The following GOLM1 variants were observed in gnomAD, a reference collection of about 807,000 sequenced individuals.
GOLM1 encodes epididymis luminal protein 46.
GOLM1 carries 31 observed loss-of-function variants against 50.5 expected under a neutral mutation model. The ratio of observed to expected loss-of-function variants is 0.61; its 90% CI spans 0.46 to 0.83. The LOEUF is 0.83. GOLM1 is among the 40% of genes least tolerant of loss of function. GOLM1 has a pLI of 0.00. For missense variants in GOLM1, 491 were observed against 501.3 expected (o/e 0.98, Z 0.20); for synonymous variants, 178 against 192.8 (o/e 0.92, Z 0.64).
At chr9:86,081,353 C>T (rs547313759) in intron 1 of GOLM1, among the ~76,000 whole-genome samples, 5 of 151,912 alleles carry the variant, frequency 3.3e-5, no homozygotes, top group Admixed American at 6.6e-5. Context: ...TGCACCACCA[C>T]GGCCAGCTAA....
At chr9:86,081,006 C>T (rs983361686) in intron 1 of GOLM1, among the ~76,000 whole-genome samples, 5 of 152,102 alleles carry the variant, frequency 3.3e-5, no homozygotes, top group African/African-American at 1.2e-4. Context: ...TGCCCTCAAC[C>T]TCTCAAGTAG....
chr9:86,039,924 C>T lies in GOLM1; in HGVS notation c.597+815G>A, dbSNP rs190101307. Reference sequence around the variant, plus strand: ...CAGAGGCTGCAGTGAGCTGAGATCGCGCCACTGCACTCTGGCCTGGGTGAG... The same window carrying T: ...CAGAGGCTGCAGTGAGCTGAGATCGTGCCACTGCACTCTGGCCTGGGTGAG... On this transcript the variant is annotated intron_variant, in intron 6 of 9. Transcript: ENST00000388712. Among the ~76,000 whole-genome samples the T allele has an allele frequency of 2.4e-3, 357 of 150,356 alleles. 1 individual carries two copies. Among genetic ancestry groups the T allele is most frequent in the African/African-American group, 8.1e-3 (329 of 40,858 alleles).
At chr9:86,070,300 A>C (rs1834411348) in intron 3 of GOLM1, among the ~76,000 whole-genome samples, 1 of 152,168 alleles carries the variant, frequency 6.6e-6, no homozygotes, top group South Asian at 2.1e-4. Context: ...TTCACCCAGC[A>C]CAGTGGGTCA....
At chr9:86,033,623 G>A (rs1419309401) in intron 8 of GOLM1, among the ~76,000 whole-genome samples, 1 of 152,076 alleles carries the variant, frequency 6.6e-6, no homozygotes, top group South Asian at 2.1e-4. Context: ...TAAATACAAG[G>A]GTGCATTCTA....
intron 6 of GOLM1, among the ~76,000 whole-genome samples, chr9:86,039,824 C>G (rs1833275323): frequency 6.6e-6 from 1 of 152,008 alleles, no homozygotes; most frequent in Non-Finnish European, 1.5e-5. Flanking sequence ...AAAAATTAGC[C>G]AGGTGTGGTG....
At chr9:86,049,092 T>C (rs1261003120) in intron 4 of GOLM1, among the ~76,000 whole-genome samples, 1 of 152,222 alleles carries the variant, frequency 6.6e-6, no homozygotes, top group Non-Finnish European at 1.5e-5. Context: ...TTTCTACATA[T>C]GGATAGCCAG....
chr9:86,045,409 A>G (rs1833504879), intron 5 of GOLM1, among the ~76,000 whole-genome samples: 1 of 152,130 alleles, frequency 6.6e-6, no homozygotes, highest in South Asian at 2.1e-4. Flanking sequence ...ACAGTGGCTC[A>G]CACCTGTAAT....
chr9:86,052,678 G>T, intron 3 of GOLM1, 87 bp from the exon 4 acceptor site: 2 of 1,095,440 alleles, frequency 1.8e-6, no homozygotes, highest in Non-Finnish European at 2.8e-6. Context: ...GATGGGGCCT[G>T]TCCCCAACCC....
chr9:86,093,527 G>A (rs187429753), intron 1 of GOLM1, among the ~76,000 whole-genome samples: 156 of 149,350 alleles, frequency 1.0e-3, no homozygotes, highest in Admixed American at 3.5e-3. Flanking sequence ...TTGAGATTGC[G>A]TCACTGCATG....
At chr9:86,076,251 A>T (rs971816243) in intron 3 of GOLM1, among the ~76,000 whole-genome samples, 1 of 151,664 alleles carries the variant, frequency 6.6e-6, no homozygotes, top group Non-Finnish European at 1.5e-5. Context: ...AAATCCCATC[A>T]CTACTAAAAA....
intron 1 of GOLM1, among the ~76,000 whole-genome samples, chr9:86,087,638 T>C (rs1835021225): frequency 6.6e-6 from 1 of 151,986 alleles, no homozygotes; most frequent in East Asian, 1.9e-4. Flanking sequence ...TTATTGAGAG[T>C]TTTTAGCATG....
At chr9:86,083,772 T>C (rs972564175) in intron 1 of GOLM1, among the ~76,000 whole-genome samples, 8 of 152,226 alleles carry the variant, frequency 5.3e-5, no homozygotes, top group Non-Finnish European at 8.8e-5. Context: ...CTCTTACCTA[T>C]GTGTACAGTC....
chr9:86,077,568 G>A lies in GOLM1; in HGVS notation c.153C>T (p.Gly51=). The change falls in exon 3 of 10, where the codon GGC becomes GGT. Residue 51 remains glycine, a synonymous_variant. Transcript: ENST00000388712. ...TCTCTGCAGCCGCCCTGCGGACCCTGCCTTCCAGCTCCATGATCCGTGTCT... is the reference window on the plus strand; with the variant it reads ...TCTCTGCAGCCGCCCTGCGGACCCTACCTTCCAGCTCCATGATCCGTGTCT... ...DLQTRIMELE[G]RVRRAAAERG... is the part of the protein sequence containing the mutation. 6.2e-7 allele frequency: 1 copy of A among 1,613,320 alleles called. No homozygotes were observed. Among genetic ancestry groups the A allele is most frequent in the Non-Finnish European group, 8.5e-7 (1 of 1,179,356 alleles).
intron 3 of GOLM1, among the ~76,000 whole-genome samples, chr9:86,073,826 C>CA (rs1449868226): frequency 6.6e-6 from 1 of 152,210 alleles, no homozygotes; most frequent in African/African-American, 2.4e-5. Context: ...TCCCACTAGC[C>CA]ACATTTCAGG....
chr9:86,089,314 T>C (rs1052046473), intron 1 of GOLM1, among the ~76,000 whole-genome samples: 8 of 152,236 alleles, frequency 5.3e-5, no homozygotes, highest in Admixed American at 4.6e-4. Context: ...TCTTGCTAGG[T>C]TGGGGAAGTT....
chr9:86,041,650 T>C (rs556596747), intron 5 of GOLM1, among the ~76,000 whole-genome samples: 7 of 152,328 alleles, frequency 4.6e-5, no homozygotes, highest in East Asian at 1.9e-4. Flanking sequence ...ACAGTCATCC[T>C]GGCAAATTAT....
At chr9:86,048,637 A>C (rs917387980) in intron 4 of GOLM1, among the ~76,000 whole-genome samples, 1 of 152,082 alleles carries the variant, frequency 6.6e-6, no homozygotes, top group East Asian at 1.9e-4. Flanking sequence ...GATGATGAGC[A>C]TTTTTTCATG....
chr9:86,054,651 C>T (rs890271905), intron 3 of GOLM1, among the ~76,000 whole-genome samples: 2 of 152,194 alleles, frequency 1.3e-5, no homozygotes, highest in African/African-American at 4.8e-5. Flanking sequence ...AAGCCAAACT[C>T]CAGCTCCAAC....
At chr9:86,045,476 C>T (rs1039041951) in intron 5 of GOLM1, among the ~76,000 whole-genome samples, 2 of 151,912 alleles carry the variant, frequency 1.3e-5, no homozygotes, top group African/African-American at 4.8e-5. Flanking sequence ...CGTTCAAGAA[C>T]AGCCTGGCTG....
Sources: gnomAD v4.1 joint callset for allele counts (sites outside exome capture counted in the v4.1 genomes callset) on GRCh38, gnomAD v4.1.1 for gene constraint, MANE v1.5 for transcripts, NCBI Gene and HGNC (gene_info 2026-07-23, HGNC 2026-07-21) for gene names.